ABCB8: variants seen among roughly 807,000 people sequenced by gnomAD.
ABCB8 encodes the protein mitochondrial potassium channel ATP-binding subunit.
ABCB8 carries 52 observed loss-of-function variants against 73.0 expected under a neutral mutation model. The ratio of observed to expected loss-of-function variants is 0.71; its 90% CI spans 0.57 to 0.90. The LOEUF (loss-of-function observed/expected upper bound fraction) is 0.90, where lower values mean the gene tolerates loss of function less well. Among genes scored for constraint, ABCB8 ranks in the 40% least tolerant of loss-of-function variants. The pLI is 0.00. For missense variants in ABCB8, 909 were observed against 974.6 expected, an observed-to-expected ratio of 0.93 and a Z score of 0.90; for synonymous variants, 428 against 423.5, an observed-to-expected ratio of 1.01 and a Z score of -0.13.
chr7:151,036,009 C>A (rs757943876), intron 7 of ABCB8, 42 bp downstream of exon 7: 1 of 1,612,932 alleles, frequency 6.2e-7, no homozygotes, highest in East Asian at 2.2e-5. Context: ...AGATGCCCCC[C>A]ACACCCTGCC....
intron 6 of ABCB8, 26 bp downstream of exon 6, chr7:151,035,768 T>C (rs370619943): frequency 6.2e-7 from 1 of 1,611,356 alleles, no homozygotes; most frequent in Non-Finnish European, 8.5e-7. Flanking sequence ...GCCATCCTCT[T>C]CACCCTCCCC....
Position 151,034,718 on chromosome 7 carries a change from T to C in ABCB8, c.660-6T>C, listed in dbSNP as rs779919964. 1.9e-5 allele frequency: 30 copies of C among 1,613,632 alleles called. No homozygotes were observed. The Admixed American group carries it at 4.8e-4, about 26-fold the overall frequency. On this transcript the variant is annotated splice_polypyrimidine_tract_variant and splice_region_variant and intron_variant, in intron 4 of 15. Transcript: ENST00000358849. ...GCCCTCCTTATTGGTTCTTGTCCCATGCCAGACAAGACATCACCTTCTTTG... is the reference window on the plus strand; with the variant it reads ...GCCCTCCTTATTGGTTCTTGTCCCACGCCAGACAAGACATCACCTTCTTTG...
intron 2 of ABCB8, 104 bp from the exon 3 acceptor site, chr7:151,034,169 C>T (rs1278045336): frequency 1.3e-5 from 17 of 1,344,278 alleles, no homozygotes; most frequent in Middle Eastern, 2.7e-4. Flanking sequence ...CCTGGACAAG[C>T]GCAGTGCTCA....
chr7:151,037,433 A>G (rs1796340535), intron 9 of ABCB8: 1 of 665,828 alleles, frequency 1.5e-6, no homozygotes, highest in South Asian at 1.7e-5. Flanking sequence ...GTCCAAAACC[A>G]CCCGCTCAGC....
intron 9 of ABCB8, chr7:151,037,113 C>T (rs1360211028): frequency 4.3e-6 from 3 of 701,734 alleles, no homozygotes; most frequent in East Asian, 2.7e-5. Flanking sequence ...TTTGCCCTCC[C>T]CCAGCCCCTG....
At position 151,040,601 on chromosome 7, in the gene ABCB8, G is replaced by T. The variant is rs61652080; in HGVS notation, c.1355G>T (p.Arg452Leu). Residue 452 changes from arginine (R) to leucine (L), a missense_variant, in exon 11 of 16, where the codon CGT (arginine) becomes CTT (leucine). Arg to Leu is a moderately radical substitution (Grantham distance 102). Coordinates refer to ENST00000358849, the MANE Select transcript of ABCB8 (RefSeq NM_007188.5). The part of the protein sequence containing the change: ...GGCCVPKEQL[R>L]GSVTFQNVCF... The stretch of plus-strand genomic sequence containing the variant: ...TGCTGCGTCCCCAAAGAGCAGCTGC[G>T]TGGCTCCGTTACATTTCAGAACGTC... 4,557 of 1,613,188 alleles carry T rather than the reference G, an allele frequency of 2.8e-3. 93 individuals carry two copies. The African/African-American group carries it at 0.05, about 18-fold the overall frequency.
intron 1 of ABCB8, among the ~76,000 whole-genome samples, chr7:151,030,577 G>C (rs1290922829): frequency 3.3e-5 from 5 of 151,904 alleles, no homozygotes; most frequent in East Asian, 1.9e-4. Context: ...CAGCACTTTG[G>C]GGGGCCAAGG....
chr7:151,043,649 C>T (rs1323163819), intron 14 of ABCB8, among the ~76,000 whole-genome samples: 1 of 123,418 alleles, frequency 8.1e-6, no homozygotes, highest in Non-Finnish European at 1.7e-5. Flanking sequence ...AGAGGCAGGA[C>T]GAGCGTACAC....
At chr7:151,032,046 T>G (rs992460013) in intron 1 of ABCB8, among the ~76,000 whole-genome samples, 3 of 152,206 alleles carry the variant, frequency 2.0e-5, no homozygotes. Flanking sequence ...GTCTCATGTC[T>G]CTTTTCCCTT....
At chr7:151,036,523 C>G in intron 8 of ABCB8, 21 bp from the exon 9 acceptor site, 1 of 1,603,988 alleles carries the variant, frequency 6.2e-7, no homozygotes, top group Non-Finnish European at 8.5e-7. Flanking sequence ...TTCGTCCTCC[C>G]TCACTTCCCC....
At chr7:151,034,449 G>C in intron 3 of ABCB8, 21 bp downstream of exon 3, 1 of 1,613,736 alleles carries the variant, frequency 6.2e-7, no homozygotes, top group Non-Finnish European at 8.5e-7. Context: ...GAGTGGGGCT[G>C]GGGACCGCCG....
At chr7:151,029,362 T>C (rs1796079672) in intron 1 of ABCB8, among the ~76,000 whole-genome samples, 1 of 150,746 alleles carries the variant, frequency 6.6e-6, no homozygotes, top group Non-Finnish European at 1.5e-5. Flanking sequence ...CGCAAAACAC[T>C]CTACACAGGT....
intron 15 of ABCB8, among the ~76,000 whole-genome samples, chr7:151,044,488 G>A (rs1429415541): frequency 1.3e-5 from 2 of 152,112 alleles, no homozygotes; most frequent in Non-Finnish European, 2.9e-5. Flanking sequence ...TACTAGCCGG[G>A]TGCCTGTAAT....
chr7:151,039,620 G>C (rs1040248193), intron 9 of ABCB8: 2 of 152,344 alleles, frequency 1.3e-5, no homozygotes, highest in Non-Finnish European at 1.5e-5. Flanking sequence ...CTTATCTGCA[G>C]GGCAAGCTCA....
intron 1 of ABCB8, chr7:151,033,060 A>G (rs967636934): frequency 4.4e-6 from 2 of 456,662 alleles, no homozygotes; most frequent in South Asian, 1.5e-5. Flanking sequence ...TTCATCTGTC[A>G]GGTGAGAATA....
chr7:151,036,442 T>C, intron 8 of ABCB8, 102 bp from the exon 9 acceptor site: 1 of 1,117,750 alleles, frequency 8.9e-7, no homozygotes, highest in Non-Finnish European at 1.4e-6. Flanking sequence ...CTGGGACCAG[T>C]CATGCGCCTC....
intron 1 of ABCB8, 140 bp from the exon 2 acceptor site, chr7:151,033,465 G>T: frequency 6.9e-7 from 1 of 1,439,236 alleles, no homozygotes; most frequent in Non-Finnish European, 9.1e-7. Flanking sequence ...CTTCAGAACA[G>T]CCCTGAGAAG....
chr7:151,040,987 G>A lies in ABCB8; in HGVS notation c.1483+65G>A, dbSNP rs181953453. On this transcript the variant is annotated intron_variant, in intron 12 of 15. Coordinates refer to ENST00000358849, the MANE Select transcript of ABCB8 (RefSeq NM_007188.5). ...TCTAGCAGCCACTCAGAGCAAGGCC[G>A]GGAGCAGTGAGCCCCCGGTGGGGTC... 4.7e-4 allele frequency: 756 copies of A among 1,606,616 alleles called. 7 individuals are homozygous for A. The African/African-American group carries it at 8.6e-3, about 18-fold the overall frequency.
chr7:151,033,841 T>C lies in ABCB8; in HGVS notation c.332T>C (p.Val111Ala), dbSNP rs1334018428. ...APPASSTPHV[V>A]GSRFNWKLFW... ...CCTGCCAGCTCCACACCCCATGTCG[T>C]GGGGTCTCGCTTTAACTGGAAGCTC... is the stretch of plus-strand genomic sequence containing the variant. The change falls in exon 2 of 16, where the codon GTG becomes GCG. Residue 111 changes from valine (V) to alanine (A), a missense_variant. Val to Ala is a moderately conservative substitution (Grantham distance 64). Transcript: ENST00000358849. The C allele has an allele frequency of 6.2e-7, 1 of 1,613,728 alleles. No individual in the cohort carries two copies. Among genetic ancestry groups the C allele is most frequent in the Non-Finnish European group, 8.5e-7 (1 of 1,179,870 alleles).
Sources: allele counts gnomAD v4.1 joint callset (sites outside exome capture counted in the v4.1 genomes callset), GRCh38; gene constraint gnomAD v4.1.1; transcripts MANE v1.5; gene names NCBI Gene and HGNC (gene_info 2026-07-23, HGNC 2026-07-21).